The following ELMO1 variants were observed in gnomAD, a reference collection of about 807,000 sequenced individuals.
ELMO1 encodes engulfment and cell motility protein 1.
ELMO1 carries 26 observed loss-of-function variants against 98.9 expected under a neutral mutation model. That is an observed-to-expected ratio of 0.26 (90% CI 0.19 to 0.36). The LOEUF (loss-of-function observed/expected upper bound fraction) is 0.36, where lower values mean the gene tolerates loss of function less well. Ranked by LOEUF, ELMO1 falls within the 10% of genes least tolerant of loss-of-function variation. The pLI is 1.00. For missense variants in ELMO1, 627 were observed against 935.2 expected (o/e 0.67, Z 4.30); for synonymous variants, 346 against 346.0 (o/e 1.00, Z 0.00).
intron 14 of ELMO1, among the ~76,000 whole-genome samples, chr7:37,124,679 A>G (rs1786365064): frequency 6.6e-6 from 1 of 152,232 alleles, no homozygotes; most frequent in Non-Finnish European, 1.5e-5. Flanking sequence ...ATGGGTAGGA[A>G]GAATCAATAT....
intron 21 of ELMO1, among the ~76,000 whole-genome samples, chr7:36,859,772 G>T (rs1322195538): frequency 6.6e-6 from 1 of 152,178 alleles, no homozygotes; most frequent in Non-Finnish European, 1.5e-5. Context: ...GTAAGCCAGG[G>T]TCGTTATACT....
At chr7:37,093,672 C>T (rs374145876) in intron 15 of ELMO1, among the ~76,000 whole-genome samples, 2 of 152,200 alleles carry the variant, frequency 1.3e-5, no homozygotes, top group South Asian at 4.1e-4. Context: ...AAAAAGCAAT[C>T]CATTAAAAAG....
intron 13 of ELMO1, among the ~76,000 whole-genome samples, chr7:37,143,710 G>A (rs1787792942): frequency 1.8e-5 from 1 of 54,356 alleles, no homozygotes; most frequent in Non-Finnish European, 3.7e-5. Context: ...GCAGCCGGTC[G>A]ATTTTTTTTT....
chr7:36,884,918 C>T (rs928696138), intron 18 of ELMO1, among the ~76,000 whole-genome samples: 1 of 152,200 alleles, frequency 6.6e-6, no homozygotes, highest in African/African-American at 2.4e-5. Context: ...GCTCTTTAAC[C>T]TGTGGTGGCA....
intron 17 of ELMO1, among the ~76,000 whole-genome samples, chr7:36,892,795 C>T (rs899132416): frequency 1.3e-5 from 2 of 152,172 alleles, no homozygotes; most frequent in African/African-American, 4.8e-5. Flanking sequence ...TGCTGTGGCT[C>T]CTAACCACTC....
chr7:37,179,861 G>A (rs959540525), intron 13 of ELMO1, among the ~76,000 whole-genome samples: 12 of 152,258 alleles, frequency 7.9e-5, no homozygotes, highest in East Asian at 1.9e-4. Flanking sequence ...GTTACACAGC[G>A]AGGTAAAGAG....
At chr7:37,141,133 A>C (rs1787610792) in intron 13 of ELMO1, among the ~76,000 whole-genome samples, 1 of 152,220 alleles carries the variant, frequency 6.6e-6, no homozygotes, top group African/African-American at 2.4e-5. Context: ...AACCAGCCCA[A>C]ATGCCCATCA....
chr7:37,014,849 G>C lies in ELMO1; in HGVS notation c.1301-1414C>G, dbSNP rs377116181. 2.6e-5 allele frequency among the ~76,000 whole-genome samples: 4 copies of C among 152,138 alleles called. No homozygotes were observed. In the South Asian group the frequency reaches 8.3e-4, roughly 32 times the overall value. On this transcript the variant is annotated intron_variant, in intron 15 of 21. Transcript: ENST00000310758. Reference sequence around the variant, plus strand: ...GGGGTGGGAGCAGGCTTATAGCAGAGAGCTTCTGTTCTCGGGGAGAGCCCT... The same window carrying C: ...GGGGTGGGAGCAGGCTTATAGCAGACAGCTTCTGTTCTCGGGGAGAGCCCT...
intron 13 of ELMO1, among the ~76,000 whole-genome samples, chr7:37,152,094 T>C (rs1017746436): frequency 6.6e-6 from 1 of 152,232 alleles, no homozygotes; most frequent in Non-Finnish European, 1.5e-5. Context: ...CCCCTAACCT[T>C]AGCAAACAGA....
intron 1 of ELMO1, among the ~76,000 whole-genome samples, chr7:37,347,895 G>A (rs1389439214): frequency 6.6e-6 from 1 of 152,084 alleles, no homozygotes; most frequent in Non-Finnish European, 1.5e-5. Context: ...ACTCCTCTTG[G>A]TGAGGCATAA....
At chr7:37,445,025 C>G (rs564674532) in intron 1 of ELMO1, among the ~76,000 whole-genome samples, 62 of 152,282 alleles carry the variant, frequency 4.1e-4, no homozygotes, top group African/African-American at 1.4e-3. Context: ...TTGAAACAGG[C>G]TTTTTAAAAT....
chr7:37,340,245 T>A (rs1024847805), intron 2 of ELMO1, among the ~76,000 whole-genome samples: 1 of 152,252 alleles, frequency 6.6e-6, no homozygotes, highest in Non-Finnish European at 1.5e-5. Context: ...GTGATTATTA[T>A]GTAAGAGAAT....
At chr7:37,042,793 A>G (rs925379324) in intron 15 of ELMO1, among the ~76,000 whole-genome samples, 1 of 152,112 alleles carries the variant, frequency 6.6e-6, no homozygotes, top group Non-Finnish European at 1.5e-5. Flanking sequence ...TCTTTGTAAC[A>G]TTCAAGTCTC....
At chr7:37,185,254 A>G (rs974960946) in intron 13 of ELMO1, among the ~76,000 whole-genome samples, 5 of 152,242 alleles carry the variant, frequency 3.3e-5, no homozygotes, top group Admixed American at 3.3e-4. Context: ...TTTCAAAGAT[A>G]TTACAATAGA....
At chr7:37,206,894 A>G (rs1391059519) in intron 13 of ELMO1, among the ~76,000 whole-genome samples, 2 of 149,734 alleles carry the variant, frequency 1.3e-5, no homozygotes, top group Non-Finnish European at 3.0e-5. Context: ...AAGCAGCTAG[A>G]AAAAAAAAAG....
intron 1 of ELMO1, among the ~76,000 whole-genome samples, chr7:37,384,440 G>T (rs1341484953): frequency 2.0e-5 from 3 of 152,114 alleles, no homozygotes; most frequent in Non-Finnish European, 4.4e-5. Context: ...TATTTGTCAG[G>T]CCAGGCGCAG....
chr7:36,956,945 C>T (rs1221246893), intron 16 of ELMO1, among the ~76,000 whole-genome samples: 12 of 152,114 alleles, frequency 7.9e-5, no homozygotes, highest in African/African-American at 1.9e-4. Context: ...TGCTCAGTGG[C>T]GAGCAAAGAA....
intron 7 of ELMO1, among the ~76,000 whole-genome samples, chr7:37,238,939 C>G (rs1461957504): frequency 2.0e-5 from 3 of 152,108 alleles, no homozygotes; most frequent in Non-Finnish European, 4.4e-5. Context: ...TATTTATTAA[C>G]ATGCCTCTGT....
intron 16 of ELMO1, among the ~76,000 whole-genome samples, chr7:36,931,580 A>G (rs986034736): frequency 2.0e-5 from 3 of 152,192 alleles, no homozygotes; most frequent in African/African-American, 7.2e-5. Context: ...CAGCTTGGCA[A>G]CACAGCGAGA....
Sources: allele counts gnomAD v4.1 joint callset (sites outside exome capture counted in the v4.1 genomes callset), GRCh38; gene constraint gnomAD v4.1.1; transcripts MANE v1.5; gene names NCBI Gene and HGNC (gene_info 2026-07-23, HGNC 2026-07-21).